The following GLT8D2 variants were observed in gnomAD, a reference collection of about 807,000 sequenced individuals.
GLT8D2 encodes glycosyltransferase 8 domain-containing protein 2.
GLT8D2 carries 45 observed loss-of-function variants against 44.5 expected under a neutral mutation model. The ratio of observed to expected loss-of-function variants is 1.01; its 90% CI spans 0.80 to 1.30. The LOEUF (loss-of-function observed/expected upper bound fraction) is 1.30, where lower values mean the gene tolerates loss of function less well. Ranked by LOEUF, GLT8D2 falls within the 50% of genes most tolerant of loss-of-function variation. GLT8D2 has a pLI of 0.00. For missense variants in GLT8D2, 400 were observed against 430.4 expected (o/e 0.93, Z 0.62); for synonymous variants, 156 against 157.2 (o/e 0.99, Z 0.06).
chr12:104,019,682 G>T lies in GLT8D2; in HGVS notation c.-28-6C>A, dbSNP rs1340340508. 6.3e-7 allele frequency: 1 copy of T among 1,592,256 alleles called. No homozygotes were observed. Among genetic ancestry groups the T allele is most frequent in the Non-Finnish European group, 8.6e-7 (1 of 1,165,848 alleles). Reference sequence around the variant, plus strand: ...ACGCGGATAAGAACTGTAACCTGTGGATTAAAGGAAAAAAAATCTGTTTAA... The same window carrying T: ...ACGCGGATAAGAACTGTAACCTGTGTATTAAAGGAAAAAAAATCTGTTTAA... On this transcript the variant is annotated splice_region_variant and splice_polypyrimidine_tract_variant and intron_variant, in intron 2 of 10. Coordinates refer to ENST00000360814, the MANE Select transcript of GLT8D2 (RefSeq NM_001384711.1).
chr12:103,993,867 G>A, intron 9 of GLT8D2: 1 of 186,714 alleles, frequency 5.4e-6, no homozygotes, highest in South Asian at 1.5e-4. Flanking sequence ...AAGACTGCTA[G>A]GCAATACAAT....
rs1881578919 is a variant in GLT8D2 at position 104,050,165 on chromosome 12, C to T, written c.-434G>A. ...ACCTCTGCGCGAAGCCGCTGGGAACCCAGGAGTTGCGCTGGCAGAGAGGGG... is the reference window on the plus strand; with the variant it reads ...ACCTCTGCGCGAAGCCGCTGGGAACTCAGGAGTTGCGCTGGCAGAGAGGGG... On this transcript the variant is annotated 5_prime_UTR_variant, in exon 1 of 11. Transcript: ENST00000360814. The T allele has an allele frequency of 6.6e-6, 1 of 152,308 alleles. No homozygotes were observed. The highest frequency in any genetic ancestry group is 1.5e-5 in the Non-Finnish European group (1 of 68,088). The allele number at this position is 152,308 out of a possible 1,614,324, so 9.4% of individuals were successfully genotyped here. A position where few individuals can be genotyped will look rare whatever the true frequency, so the allele number is the denominator to read the frequency against.
At chr12:104,016,864 A>AAGAAAGAAAGAAAG (rs1876909343) in intron 3 of GLT8D2, among the ~76,000 whole-genome samples, 1 of 151,042 alleles carries the variant, frequency 6.6e-6, no homozygotes, top group Admixed American at 6.6e-5. Flanking sequence ...GAAAGAAAGA[A>AAGAAAGAAAGAAAG]AGAAAGAAAG....
intron 4 of GLT8D2, chr12:104,014,304 G>A (rs1876250196): frequency 2.9e-6 from 2 of 700,652 alleles, no homozygotes; most frequent in African/African-American, 1.7e-5. Flanking sequence ...GCAGGGAGCT[G>A]CTATTGTGCC....
intron 1 of GLT8D2, among the ~76,000 whole-genome samples, chr12:104,033,979 G>T (rs1358131879): frequency 1.3e-5 from 2 of 151,952 alleles, no homozygotes; most frequent in Non-Finnish European, 2.9e-5. Flanking sequence ...TACCAGGGTT[G>T]GCTGAATATA....
chr12:104,045,464 G>A (rs997133888), intron 1 of GLT8D2, among the ~76,000 whole-genome samples: 2 of 152,178 alleles, frequency 1.3e-5, no homozygotes, highest in Non-Finnish European at 2.9e-5. Context: ...GGCAGGCAAG[G>A]CACTGGGCAG....
At chr12:104,013,196 T>C (rs1876104383) in intron 4 of GLT8D2, among the ~76,000 whole-genome samples, 1 of 152,248 alleles carries the variant, frequency 6.6e-6, no homozygotes, top group African/African-American at 2.4e-5. Flanking sequence ...CTGCCTGGTC[T>C]GCAGTCAGTC....
intron 1 of GLT8D2, among the ~76,000 whole-genome samples, chr12:104,038,599 G>A (rs1236206536): frequency 6.6e-6 from 1 of 152,096 alleles, no homozygotes; most frequent in African/African-American, 2.4e-5. Context: ...GGATGTGAAG[G>A]ATCTCTTCAA....
upstream of GLT8D2, among the ~76,000 whole-genome samples, chr12:104,052,766 TA>T (rs1318710886): frequency 1.9e-5 from 2 of 103,964 alleles, no homozygotes; most frequent in Non-Finnish European, 5.0e-5. Flanking sequence ...TTTTATGTAT[TA>T]ATTATTATTA....
At chr12:104,032,770 C>A (rs1879457631) in intron 1 of GLT8D2, among the ~76,000 whole-genome samples, 1 of 151,494 alleles carries the variant, frequency 6.6e-6, no homozygotes, top group African/African-American at 2.4e-5. Flanking sequence ...TCAAAAAATT[C>A]AAAATAGAGC....
chr12:104,056,278 A>G (rs1469713572), intron 1 of GLT8D2, among the ~76,000 whole-genome samples: 1 of 152,186 alleles, frequency 6.6e-6, no homozygotes, highest in African/African-American at 2.4e-5. Context: ...CCTGCCCAGG[A>G]TCTCTGCTAT....
At chr12:104,014,064 T>C (rs1057165312) in intron 4 of GLT8D2, among the ~76,000 whole-genome samples, 1 of 152,138 alleles carries the variant, frequency 6.6e-6, no homozygotes, top group Non-Finnish European at 1.5e-5. Flanking sequence ...ATTTGCTTGA[T>C]TTATATAAAA....
intron 1 of GLT8D2, among the ~76,000 whole-genome samples, chr12:104,059,646 T>C (rs926469956): frequency 1.3e-5 from 2 of 148,928 alleles, no homozygotes; most frequent in African/African-American, 2.5e-5. Flanking sequence ...ATTCTGTTAC[T>C]GAAAAGAAAA....
rs759540696 is a variant in GLT8D2 at position 103,999,469 on chromosome 12, G to C, written c.330C>G (p.Ile110Met). The C allele has an allele frequency of 5.6e-6, 9 of 1,612,710 alleles. No individual in the cohort carries two copies. Among genetic ancestry groups the C allele is most frequent in the Non-Finnish European group, 7.6e-6 (9 of 1,179,214 alleles). ...HSKLREINFKIVEFNPMVLKG... is the reference protein window; with the variant it reads ...HSKLREINFKMVEFNPMVLKG... The stretch of plus-strand genomic sequence containing the variant: ...TGAGGACCATCGGGTTGAATTCCAC[G>C]ATTTTAAAGTTTATTTCTCTCAGTT... Residue 110 changes from isoleucine (I) to methionine (M), a missense_variant, in exon 6 of 11, where the codon ATC (isoleucine) becomes ATG (methionine). Ile to Met is a conservative substitution (Grantham distance 10, BLOSUM62 1). Coordinates refer to ENST00000360814, the MANE Select transcript of GLT8D2 (RefSeq NM_001384711.1).
Position 103,994,412 on chromosome 12 carries a change from C to T in GLT8D2, c.690G>A (p.Val230=). Reference sequence around the variant, plus strand: ...TCCATTCTGTCATGTTGGCAACAATCACACCAGGATTGAAAGAGCAGGTGC... The same window carrying T: ...TCCATTCTGTCATGTTGGCAACAATTACACCAGGATTGAAAGAGCAGGTGC... ...SPSTCSFNPG[V]IVANMTEWKH... Residue 230 remains valine, a synonymous_variant, in exon 9 of 11, where the codon GTG becomes GTA. Transcript: ENST00000360814. The T allele has an allele frequency of 1.2e-6, 2 of 1,614,056 alleles. No homozygotes were observed. Among genetic ancestry groups the T allele is most frequent in the Non-Finnish European group, 1.7e-6 (2 of 1,179,944 alleles).
chr12:104,005,381 T>TG (rs1874846493), intron 4 of GLT8D2, among the ~76,000 whole-genome samples: 1 of 152,010 alleles, frequency 6.6e-6, no homozygotes, highest in South Asian at 2.1e-4. Flanking sequence ...AATTGACAAA[T>TG]GGGATCTAAT....
At chr12:104,029,651 T>C (rs1282553884) in intron 1 of GLT8D2, 2 of 152,206 alleles carry the variant, frequency 1.3e-5, no homozygotes, top group Admixed American at 1.3e-4. Flanking sequence ...TAAGGCTTTA[T>C]GAGGATTAAA....
chr12:104,047,869 G>C (rs1195795401), intron 1 of GLT8D2, among the ~76,000 whole-genome samples: 3 of 152,212 alleles, frequency 2.0e-5, no homozygotes, highest in African/African-American at 7.2e-5. Flanking sequence ...TAGAGTAGGG[G>C]TCAGCAAACT....
At chr12:104,000,948 T>C (rs1367137473) in intron 5 of GLT8D2, among the ~76,000 whole-genome samples, 1 of 152,242 alleles carries the variant, frequency 6.6e-6, no homozygotes, top group African/African-American at 2.4e-5. Context: ...AAATATATTC[T>C]CCTTTTGAAT....
Sources: allele counts gnomAD v4.1 joint callset (sites outside exome capture counted in the v4.1 genomes callset), GRCh38; gene constraint gnomAD v4.1.1; transcripts MANE v1.5; gene names NCBI Gene and HGNC (gene_info 2026-07-23, HGNC 2026-07-21).